ASTN2: variants seen among roughly 807,000 people sequenced by gnomAD.
The protein encoded by ASTN2 is astrotactin 2.
ASTN2 carries 54 observed loss-of-function variants against 139.8 expected under a neutral mutation model. The observed-to-expected ratio is 0.39, with a 90% CI of 0.31 to 0.48. The LOEUF (loss-of-function observed/expected upper bound fraction) is 0.48, where lower values mean the gene tolerates loss of function less well. ASTN2 is among the 20% of genes least tolerant of loss of function. ASTN2 has a pLI of 0.95. For missense variants in ASTN2, 1,565 were observed against 1,725.1 expected, an observed-to-expected ratio of 0.91 and a Z score of 1.64; for synonymous variants, 756 against 719.5, an observed-to-expected ratio of 1.05 and a Z score of -0.81.
intron 19 of ASTN2, among the ~76,000 whole-genome samples, chr9:116,536,146 A>G (rs1342321606): frequency 6.6e-6 from 1 of 151,808 alleles, no homozygotes; most frequent in African/African-American, 2.4e-5. Flanking sequence ...AGCTGATCAA[A>G]TCGGCTACTG....
At chr9:117,411,163 G>C (rs1831148213) in intron 1 of ASTN2, among the ~76,000 whole-genome samples, 1 of 152,118 alleles carries the variant, frequency 6.6e-6, no homozygotes, top group Non-Finnish European at 1.5e-5. Flanking sequence ...TGGCAAATGG[G>C]AGTAACAGTA....
At chr9:116,960,411 A>G (rs755974305) in intron 10 of ASTN2, among the ~76,000 whole-genome samples, 2 of 151,770 alleles carry the variant, frequency 1.3e-5, no homozygotes, top group African/African-American at 4.8e-5. Context: ...CCTCTTTACA[A>G]CTGGATTTCT....
intron 3 of ASTN2, among the ~76,000 whole-genome samples, chr9:117,163,861 T>A (rs1308450417): frequency 6.6e-6 from 1 of 152,128 alleles, no homozygotes; most frequent in Non-Finnish European, 1.5e-5. Flanking sequence ...GGTGCAATGA[T>A]GTGTGATTGC....
At chr9:117,377,040 C>T (rs1269324909) in intron 1 of ASTN2, among the ~76,000 whole-genome samples, 1 of 152,212 alleles carries the variant, frequency 6.6e-6, no homozygotes, top group Non-Finnish European at 1.5e-5. Flanking sequence ...AAAGGAAAAG[C>T]TCAGCCATCC....
At chr9:117,020,695 G>C (rs961123458) in intron 6 of ASTN2, among the ~76,000 whole-genome samples, 1 of 152,098 alleles carries the variant, frequency 6.6e-6, no homozygotes, top group East Asian at 1.9e-4. Context: ...GGGCATGCTG[G>C]TGTCTCATCT....
At chr9:117,371,730 A>T (rs552645689) in intron 1 of ASTN2, among the ~76,000 whole-genome samples, 25 of 152,232 alleles carry the variant, frequency 1.6e-4, no homozygotes, top group African/African-American at 5.3e-4. Flanking sequence ...TAAAATTGTT[A>T]TTATTGCTAG....
At chr9:117,146,298 C>A (rs1406800268) in intron 3 of ASTN2, among the ~76,000 whole-genome samples, 1 of 151,908 alleles carries the variant, frequency 6.6e-6, no homozygotes, top group Non-Finnish European at 1.5e-5. Flanking sequence ...CTGAGCATCG[C>A]GGCAGGCCCA....
chr9:116,437,290 C>T, intron 22 of ASTN2: 1 of 471,162 alleles, frequency 2.1e-6, no homozygotes, highest in South Asian at 1.5e-5. Context: ...CCCAGGGTTG[C>T]ACAGTGAGCT....
chr9:116,958,115 T>C (rs1409084647), intron 10 of ASTN2, among the ~76,000 whole-genome samples: 1 of 152,248 alleles, frequency 6.6e-6, no homozygotes, highest in Non-Finnish European at 1.5e-5. Flanking sequence ...GTTTCTCCAC[T>C]GTAAGGTTAT....
At chr9:117,192,681 A>C (rs1158731101) in intron 3 of ASTN2, among the ~76,000 whole-genome samples, 1 of 152,228 alleles carries the variant, frequency 6.6e-6, no homozygotes, top group Non-Finnish European at 1.5e-5. Context: ...AGCAATGTAG[A>C]TATAACAAGT....
intron 19 of ASTN2, among the ~76,000 whole-genome samples, chr9:116,565,379 CTCTCTCTCCATATATATATATA>C (rs1351739358): frequency 2.6e-4 from 9 of 34,386 alleles, no homozygotes; most frequent in South Asian, 8.7e-4. Flanking sequence ...CTCTCTCTCT[CTCTCTCTCCATATATATATATA>C]TATATATATA....
intron 19 of ASTN2, among the ~76,000 whole-genome samples, chr9:116,597,588 C>A (rs561123496): frequency 1.3e-5 from 2 of 152,124 alleles, no homozygotes; most frequent in African/African-American, 2.4e-5. Context: ...CCATGCCTGG[C>A]CTTGATCTAT....
intron 10 of ASTN2, among the ~76,000 whole-genome samples, chr9:116,903,953 G>C (rs2132408873): frequency 6.6e-6 from 1 of 152,238 alleles, no homozygotes; most frequent in African/African-American, 2.4e-5. Context: ...CTCAGCTTTT[G>C]GGCTTTCCAA....
chr9:116,534,247 T>C (rs1400282191), intron 19 of ASTN2, among the ~76,000 whole-genome samples: 1 of 152,172 alleles, frequency 6.6e-6, no homozygotes, highest in African/African-American at 2.4e-5. Flanking sequence ...TAGATTCTTC[T>C]CTCTTTTCTT....
intron 19 of ASTN2, among the ~76,000 whole-genome samples, chr9:116,579,310 T>C (rs1272011961): frequency 1.3e-5 from 2 of 152,240 alleles, no homozygotes; most frequent in African/African-American, 4.8e-5. Context: ...ACACTGGATC[T>C]GTCTGTCATA....
chr9:116,953,400 A>G (rs1021458187), intron 10 of ASTN2, among the ~76,000 whole-genome samples: 1 of 152,188 alleles, frequency 6.6e-6, no homozygotes, highest in South Asian at 2.1e-4. Context: ...AGCCAAGCCA[A>G]TTTCCTGAGA....
rs752146942 is a variant in ASTN2 at position 116,836,247 on chromosome 9, G to A, written c.2041-15464C>T. ...GGCCCCATGAATGCTGGTCCGTGGT[G>A]AATGTCCTGGCTTTCTACTAGTTCT... On this transcript the variant is annotated intron_variant, in intron 11 of 22. Coordinates refer to ENST00000313400, the MANE Select transcript of ASTN2 (RefSeq NM_001365068.1). Among the ~76,000 whole-genome samples the A allele has an allele frequency of 2.6e-5, 4 of 152,048 alleles. No individual in the cohort carries two copies. The South Asian group carries it at 8.3e-4, about 32-fold the overall frequency.
intron 1 of ASTN2, among the ~76,000 whole-genome samples, chr9:117,304,357 A>C (rs967900930): frequency 6.6e-6 from 1 of 152,084 alleles, no homozygotes; most frequent in Non-Finnish European, 1.5e-5. Flanking sequence ...CAGTTATTTC[A>C]TGCTTCACCT....
chr9:117,351,777 A>G (rs1829397859), intron 1 of ASTN2, among the ~76,000 whole-genome samples: 1 of 152,070 alleles, frequency 6.6e-6, no homozygotes, highest in African/African-American at 2.4e-5. Context: ...TGTGTGCTTT[A>G]GATGCTATAT....
Sources: gnomAD v4.1 joint callset for allele counts (sites outside exome capture counted in the v4.1 genomes callset) on GRCh38, gnomAD v4.1.1 for gene constraint, MANE v1.5 for transcripts, NCBI Gene and HGNC (gene_info 2026-07-23, HGNC 2026-07-21) for gene names.